PTPRM: variants seen among roughly 807,000 people sequenced by gnomAD.
PTPRM encodes receptor-type tyrosine-protein phosphatase mu.
Under a neutral mutation model 186.7 loss-of-function variants are expected in PTPRM, and 47 were observed. The observed-to-expected ratio is 0.25, with a 90% CI of 0.20 to 0.32. The LOEUF (loss-of-function observed/expected upper bound fraction) is 0.32. Among genes scored for constraint, PTPRM ranks in the 10% least tolerant of loss-of-function variants. The pLI is 1.00. For missense variants in PTPRM, 1,494 were observed against 1,865.0 expected, an observed-to-expected ratio of 0.80 and a Z score of 3.66; for synonymous variants, 668 against 674.9, an observed-to-expected ratio of 0.99 and a Z score of 0.16.
rs901176877 is a variant in PTPRM at position 7,597,089 on chromosome 18, A to G, written c.73+29198A>G. The stretch of plus-strand genomic sequence containing the variant: ...AGGCTGGAATTGAACTCCTGACCTC[A>G]AGTGATCCACCCTCCTTGTCCTTCT... On this transcript the variant is annotated intron_variant, in intron 1 of 32. Coordinates refer to ENST00000580170, the MANE Select transcript of PTPRM (RefSeq NM_001105244.2). 1.3e-5 allele frequency among the ~76,000 whole-genome samples: 2 copies of G among 152,156 alleles called. 1 individual carries two copies.
At chr18:7,708,531 C>T (rs943418827) in intron 1 of PTPRM, among the ~76,000 whole-genome samples, 6 of 152,108 alleles carry the variant, frequency 3.9e-5, no homozygotes, top group African/African-American at 1.4e-4. Context: ...GAGCTTTTCA[C>T]CTGAACATTT....
At chr18:8,172,203 G>C (rs4798611) in intron 14 of PTPRM, among the ~76,000 whole-genome samples, 39,130 of 151,612 alleles carry the variant, frequency 0.26, 5,795 homozygotes, top group East Asian at 0.46. Context: ...ATGGCGGAAG[G>C]TGAGAAAGGT....
In PTPRM at chr18:7,705,321, ATCTATCTG is replaced by A. The variant is rs1356106153; in HGVS notation, c.74-68820_74-68813del. The stretch of plus-strand genomic sequence containing the variant: ...TATCTATCTATCTATCTATCTATCT[ATCTATCTG>A]TCTATCTAGCTAGCTAGCTAGCTAT... On this transcript the variant is annotated intron_variant, in intron 1 of 32. Coordinates refer to ENST00000580170, the MANE Select transcript of PTPRM (RefSeq NM_001105244.2). 7.9e-4 allele frequency among the ~76,000 whole-genome samples: 113 copies of A among 143,188 alleles called. 1 individual carries two copies. The highest frequency in any genetic ancestry group is 2.8e-3 in the Admixed American group (40 of 14,220). The allele number at this position is 143,188 out of a possible 152,430, so 93.9% of individuals were successfully genotyped here. A position where few individuals can be genotyped will look rare whatever the true frequency, so the allele number is the denominator to read the frequency against.
intron 10 of PTPRM, among the ~76,000 whole-genome samples, chr18:8,087,932 C>T (rs545275330): frequency 2.6e-5 from 4 of 152,214 alleles, no homozygotes; most frequent in Middle Eastern, 6.8e-3. Flanking sequence ...TTACTGAAGA[C>T]CTCTGTTGCT....
At chr18:7,758,083 A>G (rs570787743) in intron 1 of PTPRM, among the ~76,000 whole-genome samples, 2 of 152,242 alleles carry the variant, frequency 1.3e-5, no homozygotes, top group Middle Eastern at 6.8e-3. Context: ...TAAATCTAGA[A>G]CGGGACTCAA....
intron 1 of PTPRM, among the ~76,000 whole-genome samples, chr18:7,624,525 G>A (rs1360036011): frequency 1.3e-5 from 2 of 151,656 alleles, no homozygotes; most frequent in East Asian, 3.9e-4. Flanking sequence ...TCACTCTGTT[G>A]TCCAGGCTGG....
At chr18:7,637,518 C>T (rs1261385161) in intron 1 of PTPRM, among the ~76,000 whole-genome samples, 2 of 152,220 alleles carry the variant, frequency 1.3e-5, no homozygotes, top group African/African-American at 4.8e-5. Context: ...TTTGCTCATT[C>T]AACAAATATT....
intron 30 of PTPRM, among the ~76,000 whole-genome samples, chr18:8,386,139 GTT>G (rs944321887): frequency 2.0e-5 from 3 of 152,180 alleles, no homozygotes; most frequent in Admixed American, 2.0e-4. Flanking sequence ...GACATACTAG[GTT>G]TGGGATGACT....
At chr18:7,764,882 A>G (rs1426078935) in intron 1 of PTPRM, among the ~76,000 whole-genome samples, 1 of 152,168 alleles carries the variant, frequency 6.6e-6, no homozygotes, top group Non-Finnish European at 1.5e-5. Context: ...GCAGACAACT[A>G]TTTTTTACAC....
At chr18:8,397,813 G>C (rs1165116247) in intron 32 of PTPRM, among the ~76,000 whole-genome samples, 1 of 152,160 alleles carries the variant, frequency 6.6e-6, no homozygotes, top group East Asian at 1.9e-4. Flanking sequence ...AGTTCCCAGG[G>C]CTCTGTTTTA....
At chr18:8,330,889 G>A (rs754612318) in intron 22 of PTPRM, among the ~76,000 whole-genome samples, 1 of 152,112 alleles carries the variant, frequency 6.6e-6, no homozygotes, top group East Asian at 1.9e-4. Flanking sequence ...GCCGCCATTC[G>A]GTCTGTCCCA....
intron 14 of PTPRM, among the ~76,000 whole-genome samples, chr18:8,240,462 A>AGAGAGGGAGGGAGG (rs370263978): frequency 1.6e-5 from 1 of 62,012 alleles, no homozygotes; most frequent in African/African-American, 8.0e-5. Context: ...AGAGAGAGAG[A>AGAGAGGGAGGGAGG]GAGGGAGGGA....
At position 8,229,246 on chromosome 18, in the gene PTPRM, T is replaced by C. The variant is rs945951777; in HGVS notation, c.2301-14812T>C. 2.1e-3 allele frequency among the ~76,000 whole-genome samples: 321 copies of C among 152,122 alleles called. 1 individual carries two copies. Among genetic ancestry groups the C allele is most frequent in the Non-Finnish European group, 2.4e-4 (16 of 68,032 alleles). ...TTAGAACAGAAGAGGCATAAAGCCC[T>C]GTCCTCACCCAGCTGGCACGTGATG... On this transcript the variant is annotated intron_variant, in intron 14 of 32. Transcript: ENST00000580170.
At chr18:8,243,345 G>A (rs552753434) in intron 14 of PTPRM, among the ~76,000 whole-genome samples, 13 of 152,242 alleles carry the variant, frequency 8.5e-5, no homozygotes, top group Middle Eastern at 3.4e-3. Flanking sequence ...GGAACCCAGC[G>A]ACATGACATT....
At chr18:8,242,837 G>C (rs909321061) in intron 14 of PTPRM, among the ~76,000 whole-genome samples, 1 of 152,204 alleles carries the variant, frequency 6.6e-6, no homozygotes, top group Non-Finnish European at 1.5e-5. Context: ...CACCTAATAT[G>C]AGTGTGATTT....
chr18:8,108,659 C>T (rs749254699), intron 11 of PTPRM, among the ~76,000 whole-genome samples: 6 of 152,206 alleles, frequency 3.9e-5, no homozygotes, highest in Non-Finnish European at 8.8e-5. Context: ...ACTTCATGTG[C>T]TATTCCATAT....
chr18:7,934,292 G>C (rs1419519568), intron 5 of PTPRM, among the ~76,000 whole-genome samples: 2 of 151,566 alleles, frequency 1.3e-5, no homozygotes, highest in African/African-American at 4.9e-5. Context: ...CAGTTTTTCA[G>C]CTGTTGGCCT....
intron 2 of PTPRM, among the ~76,000 whole-genome samples, chr18:7,786,373 A>G (rs1389015094): frequency 6.6e-6 from 1 of 152,194 alleles, no homozygotes; most frequent in Non-Finnish European, 1.5e-5. Context: ...TGTTTTTCAA[A>G]TGACCAGTCC....
intron 23 of PTPRM, chr18:8,361,012 T>A (rs1253691170): frequency 6.6e-6 from 1 of 152,200 alleles, no homozygotes; most frequent in African/African-American, 2.4e-5. Flanking sequence ...TGATGTGCAG[T>A]CAAGGATTGG....
Sources: allele counts gnomAD v4.1 joint callset (sites outside exome capture counted in the v4.1 genomes callset), GRCh38; gene constraint gnomAD v4.1.1; transcripts MANE v1.5; gene names NCBI Gene and HGNC (gene_info 2026-07-23, HGNC 2026-07-21).